EVC: variants seen among roughly 807,000 people sequenced by gnomAD.
EVC encodes EvC ciliary complex subunit 1.
A neutral mutation model predicts 118.9 loss-of-function variants in EVC; 116 were observed. The observed-to-expected ratio is 0.98, with a 90% CI of 0.84 to 1.14. EVC has a LOEUF of 1.14. Ranked by LOEUF, EVC falls within the 50% of genes most tolerant of loss-of-function variation. The probability of loss-of-function intolerance (pLI) is 0.00; values close to 1 mark genes in which losing one functional copy is unlikely to be tolerated. For synonymous variants in EVC, 619 were observed against 534.7 expected, an observed-to-expected ratio of 1.16 and a Z score of -2.18; for missense variants, 1,401 against 1,246.4, an observed-to-expected ratio of 1.12 and a Z score of -1.87.
At chr4:5,814,509 A>G (rs1224683229), downstream of EVC, among the ~76,000 whole-genome samples, 1 of 151,986 alleles carries the variant, frequency 6.6e-6, no homozygotes, top group African/African-American at 2.4e-5. Context: ...TCCGCCCATC[A>G]CATGTTCTCC....
intron 2 of EVC, among the ~76,000 whole-genome samples, chr4:5,727,800 G>C (rs1366874063): frequency 2.7e-5 from 4 of 150,052 alleles, no homozygotes; most frequent in Non-Finnish European, 5.9e-5. Context: ...TGGCTAGCCA[G>C]TTTTCCCAGC....
the EVC span, chr4:5,825,020 A>G: frequency 3.0e-6 from 3 of 985,248 alleles, no homozygotes; most frequent in Non-Finnish European, 3.6e-6. The surrounding 1 kb of genome is among the most constrained non-coding windows in gnomAD (Gnocchi z 4.4). Context: ...AATAGGGTAT[A>G]ATGTTACTTT....
At chr4:5,741,135 TCA>T (rs1224326106) in intron 5 of EVC, among the ~76,000 whole-genome samples, 19 of 152,352 alleles carry the variant, frequency 1.2e-4, no homozygotes, top group Non-Finnish European at 2.6e-4. Context: ...ACACAAATGT[TCA>T]CAGCAGCATT....
At chr4:5,715,738 G>GCCC (rs1464326534) in intron 1 of EVC, among the ~76,000 whole-genome samples, 22 of 60,432 alleles carry the variant, frequency 3.6e-4, no homozygotes, top group African/African-American at 1.9e-3. Context: ...TTTTTCCATT[G>GCCC]TCTTTTTTTT....
Position 5,810,430 on chromosome 4 carries a change from C to A in EVC, c.2874C>A (p.Asp958Glu). The A allele has an allele frequency of 6.2e-7, 1 of 1,612,420 alleles. No individual in the cohort carries two copies. Among genetic ancestry groups the A allele is most frequent in the Non-Finnish European group, 8.5e-7 (1 of 1,179,558 alleles). The change falls in exon 20 of 21, where the codon GAC (aspartate) becomes GAA (glutamate). Residue 958 changes from aspartate (D) to glutamate (E), a missense_variant. Transcript: ENST00000264956. ...ACAATGAGGACCTTGCCTCCGGGGA[C>A]CAGACCTCAGGCTCACTCAGGTATG... is the stretch of plus-strand genomic sequence containing the variant. ...VPNNEDLASG[D>E]QTSGSLSSKR...
rs538702884 is a variant in EVC at position 5,758,171 on chromosome 4, A to G, written c.1563+1809A>G. 1.7e-5 allele frequency: 12 copies of G among 700,600 alleles called. No individual in the cohort carries two copies. The East Asian group carries it at 2.7e-4, about 16-fold the overall frequency. The allele number at this position is 700,600 out of a possible 1,614,324, so 43.4% of individuals were successfully genotyped here. The stretch of plus-strand genomic sequence containing the variant: ...GTGATGCAGCCACAAGCCGAGGAAC[A>G]CCTGCAGCCACCAAAAGCCAGAAGA... On this transcript the variant is annotated intron_variant, in intron 11 of 20. Coordinates refer to ENST00000264956, the MANE Select transcript of EVC (RefSeq NM_153717.3).
intron 13 of EVC, among the ~76,000 whole-genome samples, chr4:5,794,876 GTT>G (rs1173083848): frequency 6.6e-6 from 1 of 152,118 alleles, no homozygotes; most frequent in Non-Finnish European, 1.5e-5. Context: ...CCCATAGGTA[GTT>G]TTTTAACACT....
At chr4:5,757,792 C>T (rs1731404735) in intron 11 of EVC, among the ~76,000 whole-genome samples, 1 of 152,142 alleles carries the variant, frequency 6.6e-6, no homozygotes, top group Middle Eastern at 3.2e-3. Flanking sequence ...AATACAGCCA[C>T]ATGGGATATT....
At chr4:5,783,114 C>CT (rs777637240) in intron 11 of EVC, among the ~76,000 whole-genome samples, 7 of 151,684 alleles carry the variant, frequency 4.6e-5, no homozygotes. Context: ...AGGAGTGTGT[C>CT]TATGTGTGCA....
chr4:5,738,335 C>A lies in EVC; in HGVS notation c.703-3381C>A, dbSNP rs139547708. On this transcript the variant is annotated intron_variant, in intron 5 of 20. Coordinates refer to ENST00000264956, the MANE Select transcript of EVC (RefSeq NM_153717.3). The surrounding 1 kb of genome is among the most constrained non-coding windows in gnomAD (Gnocchi z 6.5). Reference sequence around the variant, plus strand: ...GAAATGACAAAAAGGATTTAGAATACTATGTAAACTTATTTGATAAAGCAG... The same window carrying A: ...GAAATGACAAAAAGGATTTAGAATAATATGTAAACTTATTTGATAAAGCAG... Among the ~76,000 whole-genome samples the A allele has an allele frequency of 3.0e-4, 45 of 152,278 alleles. No individual in the cohort carries two copies. Among genetic ancestry groups the A allele is most frequent in the African/African-American group, 1.0e-3 (43 of 41,544 alleles).
Position 5,798,709 on chromosome 4 carries a change from G to C in EVC, c.2221G>C (p.Glu741Gln). 1.2e-6 allele frequency: 2 copies of C among 1,610,172 alleles called. No homozygotes were observed. Among genetic ancestry groups the C allele is most frequent in the Non-Finnish European group, 8.5e-7 (1 of 1,179,570 alleles). Residue 741 changes from glutamate (E) to glutamine (Q), a missense_variant, in exon 15 of 21, where the codon GAG becomes CAG. Coordinates refer to ENST00000264956, the MANE Select transcript of EVC (RefSeq NM_153717.3). The surrounding 1 kb of genome is among the most constrained non-coding windows in gnomAD (Gnocchi z 4.1). Reference protein sequence around the residue: ...EVGQLLQQHMECAIGQALLVH... With the variant: ...EVGQLLQQHMQCAIGQALLVH... ...GGGGCAGCTTCTGCAGCAGCACATG[G>C]AGTGCGCCATTGGGCAGGCGCTGCT...
rs146028983 is a variant in EVC at position 5,753,845 on chromosome 4, C to T, written c.1376C>T (p.Thr459Met). 2.6e-5 allele frequency: 42 copies of T among 1,614,084 alleles called. No homozygotes were observed. The highest frequency in any genetic ancestry group is 1.7e-4 in the Middle Eastern group (1 of 6,016). The change falls in exon 10 of 21, where the codon ACG (threonine) becomes ATG (methionine). Residue 459 changes from threonine to methionine, a missense_variant. Transcript: ENST00000264956. Reference sequence around the variant, plus strand: ...TCTCTGGCTCACCAGGTGGAGGGAACGGCAAAACTCACGCTGGCCCAAGAG... The same window carrying T: ...TCTCTGGCTCACCAGGTGGAGGGAATGGCAAAACTCACGCTGGCCCAAGAG... ...TASLAHQVEGTAKLTLAQEEE... is the reference protein window; with the variant it reads ...TASLAHQVEGMAKLTLAQEEE...
chr4:5,738,452 T>C lies in EVC; in HGVS notation c.703-3264T>C, dbSNP rs915731008. 6.6e-6 allele frequency among the ~76,000 whole-genome samples: 1 copy of C among 152,122 alleles called. No homozygotes were observed. The highest frequency in any genetic ancestry group is 1.5e-5 in the Non-Finnish European group (1 of 68,016). On this transcript the variant is annotated intron_variant, in intron 5 of 20. Coordinates refer to ENST00000264956, the MANE Select transcript of EVC (RefSeq NM_153717.3). The surrounding 1 kb of genome is among the most constrained non-coding windows in gnomAD (Gnocchi z 6.5). ...GCATGGCACGCTGCAGAGAAATCTT[T>C]TGTGAAAGGAAGAGTCAGCTGATGT...
At chr4:5,767,557 T>G (rs186546565) in intron 11 of EVC, among the ~76,000 whole-genome samples, 32,788 of 145,792 alleles carry the variant, frequency 0.22, 4,040 homozygotes, top group East Asian at 0.3. Context: ...GCGAGACTCC[T>G]TGGGCATAGG....
intron 11 of EVC, among the ~76,000 whole-genome samples, chr4:5,776,655 A>G (rs1395008211): frequency 6.6e-6 from 1 of 151,968 alleles, no homozygotes; most frequent in African/African-American, 2.4e-5. Flanking sequence ...TTCCCATTGT[A>G]TGTGCTCTGT....
intron 11 of EVC, among the ~76,000 whole-genome samples, chr4:5,757,605 G>C (rs115807587): frequency 6.6e-6 from 1 of 152,202 alleles, no homozygotes; most frequent in African/African-American, 2.4e-5. Context: ...CTGCCTTCCC[G>C]TTGCCTCCTC....
rs534700929 is a variant in EVC at position 5,801,183 on chromosome 4, T to C, written c.2305-767T>C. 1.6e-4 allele frequency among the ~76,000 whole-genome samples: 24 copies of C among 152,032 alleles called. No homozygotes were observed. In the East Asian group the frequency reaches 4.5e-3, roughly 28 times the overall value. On this transcript the variant is annotated intron_variant, in intron 15 of 20. Coordinates refer to ENST00000264956, the MANE Select transcript of EVC (RefSeq NM_153717.3). ...CCCCATACCACAAGAAATGGGGAGGTGCGTGACCCAGGCTGCCACATTGGC... is the reference window on the plus strand; with the variant it reads ...CCCCATACCACAAGAAATGGGGAGGCGCGTGACCCAGGCTGCCACATTGGC...
intron 8 of EVC, among the ~76,000 whole-genome samples, chr4:5,750,944 C>T (rs1730257883): frequency 6.6e-6 from 1 of 152,128 alleles, no homozygotes. Flanking sequence ...TCCCATCTTT[C>T]TGGCCTGGGC....
In EVC at chr4:5,813,113, C is replaced by G. The variant is rs1266676313; in HGVS notation, c.*2076C>G. 1 of 152,222 alleles carries G rather than the reference C, an allele frequency of 6.6e-6. No individual in the cohort carries two copies. Among genetic ancestry groups the G allele is most frequent in the Non-Finnish European group, 1.5e-5 (1 of 68,042 alleles). The allele number at this position is 152,222 out of a possible 1,614,324, so 9.4% of individuals were successfully genotyped here. On this transcript the variant is annotated 3_prime_UTR_variant, in exon 21 of 21. Coordinates refer to ENST00000264956, the MANE Select transcript of EVC (RefSeq NM_153717.3). Reference sequence around the variant, plus strand: ...TTCCTCACCCATCAGCCAGTGGGCTCTCCAAAGTTAACCAACAGCTCCCTC... The same window carrying G: ...TTCCTCACCCATCAGCCAGTGGGCTGTCCAAAGTTAACCAACAGCTCCCTC...
Sources: gnomAD v4.1 joint callset for allele counts (sites outside exome capture counted in the v4.1 genomes callset) on GRCh38, gnomAD v4.1.1 for gene constraint, Gnocchi (gnomAD v3.1) non-coding constraint, MANE v1.5 for transcripts, NCBI Gene and HGNC (gene_info 2026-07-23, HGNC 2026-07-21) for gene names.